The following CELF3 variants were observed in gnomAD, a reference collection of about 807,000 sequenced individuals.
The protein encoded by CELF3 is CAG repeat domain.
CELF3 carries 26 observed loss-of-function variants against 59.6 expected under a neutral mutation model. The ratio of observed to expected loss-of-function variants is 0.44; its 90% CI spans 0.32 to 0.61. The LOEUF (loss-of-function observed/expected upper bound fraction) is 0.61. Ranked by LOEUF, CELF3 falls within the 20% of genes least tolerant of loss-of-function variation. The pLI, the probability that CELF3 is intolerant of heterozygous loss-of-function variation, is 0.06. For missense variants in CELF3, 387 were observed against 627.2 expected (o/e 0.62, Z 4.09); for synonymous variants, 245 against 250.7 (o/e 0.98, Z 0.22).
intron 7 of CELF3, 70 bp downstream of exon 7, chr1:151,707,437 A>G: frequency 6.3e-7 from 1 of 1,583,352 alleles, no homozygotes; most frequent in Non-Finnish European, 8.6e-7. Flanking sequence ...GGCTTCCCTG[A>G]GCAATGCCCT....
chr1:151,708,070 A>C lies in CELF3; in HGVS notation c.487-135T>G, dbSNP rs74524445. On this transcript the variant is annotated intron_variant, in intron 5 of 12. Transcript: ENST00000290583. ...TGAGAGGGCGGCCACCATTTTGCGT[A>C]TGAAAGATGGGGAGATATTAATCCC... 3,450 of 930,772 alleles carry C rather than the reference A, an allele frequency of 3.7e-3. 114 individuals are homozygous for C. In the South Asian group the frequency reaches 0.045, roughly 12 times the overall value. The allele number at this position is 930,772 out of a possible 1,614,324, so 57.7% of individuals were successfully genotyped here.
chr1:151,703,356 A>C lies in CELF3; in HGVS notation c.*103T>G, dbSNP rs999040846. ...GCCACGAAGCAGCGTTTGCCCCAGA[A>C]CCCAGTCAAGGCCCAGGGCAGGTGT... is the stretch of plus-strand genomic sequence containing the variant. On this transcript the variant is annotated 3_prime_UTR_variant, in exon 13 of 13. Coordinates refer to ENST00000290583, the MANE Select transcript of CELF3 (RefSeq NM_007185.7). 6.8e-6 allele frequency: 3 copies of C among 442,244 alleles called. No individual in the cohort carries two copies. The highest frequency in any genetic ancestry group is 6.0e-5 in the African/African-American group (3 of 49,742). 27.4% of individuals were successfully genotyped at this position (442,244 alleles called of 1,614,324 possible). A position where few individuals can be genotyped will look rare whatever the true frequency, so the allele number is the denominator to read the frequency against.
rs1410014369 is a variant in CELF3, at chr1:151,716,619, G to A, written c.-599C>T. The A allele has an allele frequency of 2.8e-6, 1 of 358,520 alleles. No homozygotes were observed. The allele number at this position is 358,520 out of a possible 1,614,324, so 22.2% of individuals were successfully genotyped here. A position where few individuals can be genotyped will look rare whatever the true frequency, so the allele number is the denominator to read the frequency against. On this transcript the variant is annotated 5_prime_UTR_variant, in exon 1 of 13. Transcript: ENST00000290583. Reference sequence around the variant, plus strand: ...ATGCTTGATCTCTGATGGCGGCAGGGCTCCAGGGGTCCCTTTTGCCCTGCC... The same window carrying A: ...ATGCTTGATCTCTGATGGCGGCAGGACTCCAGGGGTCCCTTTTGCCCTGCC...
In CELF3 at chr1:151,709,740, T is replaced by A; in HGVS notation, c.277+3A>T. On this transcript the variant is annotated splice_donor_region_variant and intron_variant, in intron 3 of 12. Coordinates refer to ENST00000290583, the MANE Select transcript of CELF3 (RefSeq NM_007185.7). The surrounding 1 kb of genome is among the most constrained non-coding windows in gnomAD (Gnocchi z 4.9). ...GGACAGAGTCCAAAGGCACAGAACC[T>A]ACCTCCTCGGCTCTCGCTGTCGGCT... 6.2e-7 allele frequency: 1 copy of A among 1,613,946 alleles called. No homozygotes were observed. Among genetic ancestry groups the A allele is most frequent in the Non-Finnish European group, 8.5e-7 (1 of 1,179,866 alleles).
chr1:151,706,574 G>T, intron 9 of CELF3, 95 bp downstream of exon 9: 2 of 1,362,008 alleles, frequency 1.5e-6, no homozygotes, highest in Non-Finnish European at 2.0e-6. Flanking sequence ...GAGGGTGATT[G>T]GCAGGGAGCC....
At position 151,705,747 on chromosome 1, in the gene CELF3, A is replaced by C. The variant is rs1293075681; in HGVS notation, c.1270+75T>G. On this transcript the variant is annotated intron_variant, in intron 11 of 12. Coordinates refer to ENST00000290583, the MANE Select transcript of CELF3 (RefSeq NM_007185.7). This position sits in a 1 kb window ranked among gnomAD's most constrained non-coding sequence, Gnocchi z 5.1. Reference sequence around the variant, plus strand: ...TTCAAATACTGGGTCCACTGTGACCATAAATGCCTTCAAATATATTAGACC... The same window carrying C: ...TTCAAATACTGGGTCCACTGTGACCCTAAATGCCTTCAAATATATTAGACC... 1 of 1,513,166 alleles carries C rather than the reference A, an allele frequency of 6.6e-7. No homozygotes were observed. The highest frequency in any genetic ancestry group is 1.4e-5 in the African/African-American group (1 of 72,754). The allele number at this position is 1,513,166 out of a possible 1,614,324, so 93.7% of individuals were successfully genotyped here.
chr1:151,708,987 G>A lies in CELF3; in HGVS notation c.486+11C>T, dbSNP rs777174055. 5.0e-6 allele frequency: 8 copies of A among 1,612,654 alleles called. No individual in the cohort carries two copies. The highest frequency in any genetic ancestry group is 3.3e-5 in the Admixed American group (2 of 59,984). On this transcript the variant is annotated intron_variant, in intron 5 of 12. Coordinates refer to ENST00000290583, the MANE Select transcript of CELF3 (RefSeq NM_007185.7). ...GAAGGAGAGGCCCGGGGGCAGGGGA[G>A]TGGGGCTCACTGGCAGGGTCCGGCT...
chr1:151,714,787 A>G (rs1673330519), intron 1 of CELF3, 111 bp from the exon 2 acceptor site: 6 of 771,000 alleles, frequency 7.8e-6, no homozygotes, highest in Non-Finnish European at 1.1e-5. Context: ...CCTTCTTGTC[A>G]TCTTCTGCCT....
rs1411699359 is a variant in CELF3 at position 151,706,347 on chromosome 1, C to T, written c.1003G>A (p.Ala335Thr). 5.2e-6 allele frequency: 8 copies of T among 1,550,084 alleles called. No individual in the cohort carries two copies. In the Admixed American group the frequency reaches 1.6e-4, roughly 30 times the overall value. ...MQHYTAAYPA[A>T]YSLVAPAFPQ... ...AACGCAGGTGCAACCAGGCTGTAGG[C>T]TGCTGGGTAGGCTGCTGGGGTGGGG... is the stretch of plus-strand genomic sequence containing the variant. The change falls in exon 10 of 13, where the codon GCC (alanine) becomes ACC (threonine). Residue 335 changes from alanine (A) to threonine (T), a missense_variant. By Grantham distance (58) the Ala-to-Thr change is moderately conservative (BLOSUM62 0). This residue lies in a region of CELF3 where 131 missense variants were observed against 153.7 expected (regional missense o/e 0.85). Coordinates refer to ENST00000290583, the MANE Select transcript of CELF3 (RefSeq NM_007185.7).
chr1:151,706,448 AGGCCAGT>A, intron 9 of CELF3, 87 bp from the exon 10 acceptor site: 1 of 1,380,610 alleles, frequency 7.2e-7, no homozygotes, highest in Non-Finnish European at 9.9e-7. Flanking sequence ...CCCCTAGCCC[AGGCCAGT>A]GGCACCTGCA....
chr1:151,715,218 C>T (rs1673375693), intron 1 of CELF3, among the ~76,000 whole-genome samples: 1 of 152,160 alleles, frequency 6.6e-6, no homozygotes, highest in African/African-American at 2.4e-5. Flanking sequence ...CCCTGGGATC[C>T]CCGGTGTGTG....
intron 1 of CELF3, among the ~76,000 whole-genome samples, chr1:151,715,408 A>C (rs1673392697): frequency 6.6e-6 from 1 of 151,968 alleles, no homozygotes; most frequent in Non-Finnish European, 1.5e-5. Flanking sequence ...TTAGTCCTGG[A>C]GCTGCCCTGC....
chr1:151,714,556 C>T (rs575517117), intron 2 of CELF3, 38 bp downstream of exon 2: 1 of 1,496,146 alleles, frequency 6.7e-7, no homozygotes. Context: ...TTCTATGGCC[C>T]TTCTCAGTCC....
At position 151,709,968 on chromosome 1, in the gene CELF3, G is replaced by A; in HGVS notation, c.229-177C>T. 1.5e-6 allele frequency: 1 copy of A among 661,044 alleles called. No homozygotes were observed. The highest frequency in any genetic ancestry group is 1.7e-5 in the South Asian group (1 of 59,316). The allele number at this position is 661,044 out of a possible 1,614,324, so 40.9% of individuals were successfully genotyped here. A position where few individuals can be genotyped will look rare whatever the true frequency, so the allele number is the denominator to read the frequency against. ...GGATGAAGGCCTGAGGGGATCAGAG[G>A]CACAGAGAGAGAGGATGTAGAGGGA... is the stretch of plus-strand genomic sequence containing the variant. On this transcript the variant is annotated intron_variant, in intron 2 of 12. Transcript: ENST00000290583. This position sits in a 1 kb window ranked among gnomAD's most constrained non-coding sequence, Gnocchi z 4.9.
intron 9 of CELF3, 56 bp from the exon 10 acceptor site, chr1:151,706,417 C>T: frequency 2.0e-6 from 3 of 1,482,780 alleles, no homozygotes; most frequent in South Asian, 2.6e-5. Context: ...TTGAGCCCTC[C>T]CAGCCAACCC....
At position 151,703,054 on chromosome 1, in the gene CELF3, G is replaced by A. The variant is rs1672197772; in HGVS notation, c.*405C>T. ...AAGAGGCTGGGGTGAGGGTGAGCTGGGAGTGTGTGGCAGGCCCCTGCGGCT... is the reference window on the plus strand; with the variant it reads ...AAGAGGCTGGGGTGAGGGTGAGCTGAGAGTGTGTGGCAGGCCCCTGCGGCT... On this transcript the variant is annotated 3_prime_UTR_variant, in exon 13 of 13. Coordinates refer to ENST00000290583, the MANE Select transcript of CELF3 (RefSeq NM_007185.7). The A allele has an allele frequency of 5.0e-6, 2 of 401,250 alleles. No homozygotes were observed. The highest frequency in any genetic ancestry group is 3.5e-5 in the South Asian group (2 of 56,694). 24.9% of individuals were successfully genotyped at this position (401,250 alleles called of 1,614,324 possible). A position where few individuals can be genotyped will look rare whatever the true frequency, so the allele number is the denominator to read the frequency against.
At position 151,705,317 on chromosome 1, in the gene CELF3, T is replaced by C. The variant is rs879342487; in HGVS notation, c.1271-149A>G. 1.8e-5 allele frequency: 15 copies of C among 827,884 alleles called. No individual in the cohort carries two copies. The highest frequency in any genetic ancestry group is 3.4e-5 in the African/African-American group (2 of 58,432). The allele number at this position is 827,884 out of a possible 1,614,324, so 51.3% of individuals were successfully genotyped here. ...GCAGCATTCCTTAGGAATTTGTTGA[T>C]TGATGGGTTGAATGGATGAATCCAG... is the stretch of plus-strand genomic sequence containing the variant. On this transcript the variant is annotated intron_variant, in intron 11 of 12. Coordinates refer to ENST00000290583, the MANE Select transcript of CELF3 (RefSeq NM_007185.7). The surrounding 1 kb of genome is among the most constrained non-coding windows in gnomAD (Gnocchi z 5.1).
chr1:151,710,609 C>T (rs1260700763), intron 2 of CELF3: 2 of 456,240 alleles, frequency 4.4e-6, no homozygotes, highest in African/African-American at 4.0e-5. Flanking sequence ...CCCATCCCTT[C>T]TCCTGCCTCC....
At chr1:151,710,094 G>C (rs969673343) in intron 2 of CELF3, 4 of 409,364 alleles carry the variant, frequency 9.8e-6, no homozygotes, top group African/African-American at 6.0e-5. Flanking sequence ...CTGCACATAG[G>C]ACCCGGGGCC....
Sources: allele counts gnomAD v4.1 joint callset (sites outside exome capture counted in the v4.1 genomes callset), GRCh38; gene constraint gnomAD v4.1.1; regional missense constraint gnomAD v4.1.1; non-coding constraint Gnocchi (gnomAD v3.1); transcripts MANE v1.5; gene names NCBI Gene and HGNC (gene_info 2026-07-23, HGNC 2026-07-21).